Variants in TBC1D5 observed in about 807,000 individuals in gnomAD.
TBC1D5 encodes TBC1 domain family member 5.
Under a neutral mutation model 100.3 loss-of-function variants are expected in TBC1D5, and 75 were observed. The ratio of observed to expected loss-of-function variants is 0.75; its 90% CI spans 0.62 to 0.91. TBC1D5 has a LOEUF of 0.91. Among genes scored for constraint, TBC1D5 ranks in the 40% least tolerant of loss-of-function variants. TBC1D5 has a pLI of 0.00. For missense variants in TBC1D5, 910 were observed against 942.4 expected (o/e 0.97, Z 0.45); for synonymous variants, 323 against 325.6 (o/e 0.99, Z 0.09).
intron 14 of TBC1D5, among the ~76,000 whole-genome samples, chr3:17,303,793 C>T (rs1211509853): frequency 6.7e-6 from 1 of 150,018 alleles, no homozygotes; most frequent in Non-Finnish European, 1.5e-5. Flanking sequence ...TCCCTTTAGT[C>T]CTGCCTAATT....
At chr3:17,623,446 A>G (rs1332555370) in intron 2 of TBC1D5, among the ~76,000 whole-genome samples, 2 of 152,214 alleles carry the variant, frequency 1.3e-5, no homozygotes, top group Non-Finnish European at 2.9e-5. Context: ...CTGTACACAA[A>G]AACTGAAGAT....
intron 9 of TBC1D5, among the ~76,000 whole-genome samples, chr3:17,380,756 A>G (rs1477039838): frequency 6.6e-6 from 1 of 152,064 alleles, no homozygotes; most frequent in African/African-American, 2.4e-5. Context: ...TTAGCCCACC[A>G]AGCAGTCTTT....
intron 3 of TBC1D5, among the ~76,000 whole-genome samples, chr3:17,484,897 A>C (rs1257634407): frequency 6.6e-6 from 1 of 152,134 alleles, no homozygotes; most frequent in East Asian, 1.9e-4. Context: ...AAAATGAGGA[A>C]CCCACATTCA....
At chr3:17,312,316 C>T (rs1307074301) in intron 13 of TBC1D5, among the ~76,000 whole-genome samples, 2 of 152,116 alleles carry the variant, frequency 1.3e-5, no homozygotes, top group Admixed American at 6.6e-5. Context: ...CTGCAGAATA[C>T]ATTACTGAAG....
chr3:17,403,233 A>AT lies in TBC1D5; in HGVS notation c.456dup (p.Phe153IlefsTer5), dbSNP rs1417481168. The AT allele has an allele frequency of 1.3e-6, 2 of 1,589,970 alleles. No homozygotes were observed. The highest frequency in any genetic ancestry group is 8.6e-7 in the Non-Finnish European group (1 of 1,164,934). ...GATCGAAGTTCTTTATCTTGGAAGAATTTGTTCCAAAGACTCTGAAATAAG... is the reference window on the plus strand; with the variant it reads ...GATCGAAGTTCTTTATCTTGGAAGAATTTTGTTCCAAAGACTCTGAAATAAG... On this transcript the variant is annotated frameshift_variant, in exon 8 of 22. Coordinates refer to ENST00000253692, the Ensembl canonical transcript of TBC1D5. LOFTEE classifies it high-confidence loss of function.
intron 3 of TBC1D5, among the ~76,000 whole-genome samples, chr3:17,505,457 A>G (rs376740438): frequency 1.3e-5 from 2 of 152,334 alleles, no homozygotes; most frequent in African/African-American, 4.8e-5. Flanking sequence ...TAAGCCAATT[A>G]AAGCAATTTT....
At chr3:17,661,029 A>G (rs563892431) in intron 1 of TBC1D5, among the ~76,000 whole-genome samples, 1 of 152,220 alleles carries the variant, frequency 6.6e-6, no homozygotes, top group Non-Finnish European at 1.5e-5. Flanking sequence ...AGACAAATAA[A>G]TAACATGTAT....
At chr3:17,464,930 A>C (rs1380531712) in intron 3 of TBC1D5, among the ~76,000 whole-genome samples, 2 of 152,082 alleles carry the variant, frequency 1.3e-5, no homozygotes, top group African/African-American at 4.8e-5. Context: ...AGTGATCATA[A>C]AGTTCACCAG....
chr3:17,370,475 G>A (rs1400206750), intron 13 of TBC1D5, among the ~76,000 whole-genome samples: 1 of 152,120 alleles, frequency 6.6e-6, no homozygotes, highest in Non-Finnish European at 1.5e-5. Flanking sequence ...GTATTAGTTA[G>A]ACTTTCAAAT....
chr3:17,485,493 C>G (rs1197728288), intron 3 of TBC1D5, among the ~76,000 whole-genome samples: 16 of 115,498 alleles, frequency 1.4e-4, no homozygotes, highest in Non-Finnish European at 2.6e-4. Context: ...CATCCCCCCT[C>G]CCCCCACCCC....
intron 15 of TBC1D5, among the ~76,000 whole-genome samples, chr3:17,261,148 G>A (rs189802108): frequency 5.8e-4 from 88 of 152,314 alleles, no homozygotes; most frequent in African/African-American, 2.1e-3. Flanking sequence ...AGTAAGTACA[G>A]TTCTTCCAAT....
chr3:17,595,726 C>G (rs540455679), intron 2 of TBC1D5, among the ~76,000 whole-genome samples: 1 of 152,188 alleles, frequency 6.6e-6, no homozygotes, highest in South Asian at 2.1e-4. Flanking sequence ...CAATTTAAGG[C>G]TCCCTGAACC....
chr3:17,270,868 G>C (rs2079342756), intron 15 of TBC1D5, among the ~76,000 whole-genome samples: 1 of 152,188 alleles, frequency 6.6e-6, no homozygotes. Context: ...TTATTGAATA[G>C]AGAGTCTTTT....
chr3:17,560,514 G>A (rs2096551575), intron 2 of TBC1D5, among the ~76,000 whole-genome samples: 1 of 151,906 alleles, frequency 6.6e-6, no homozygotes, highest in South Asian at 2.1e-4. Flanking sequence ...AGTTAGTCAG[G>A]AGGCTTCAGC....
intron 18 of TBC1D5, among the ~76,000 whole-genome samples, chr3:17,212,245 T>C (rs370651432): frequency 8.5e-5 from 13 of 152,268 alleles, no homozygotes; most frequent in African/African-American, 2.9e-4. Context: ...ACAGACCACA[T>C]ACATGATGGT....
At chr3:17,327,489 G>A (rs1433605554) in intron 13 of TBC1D5, among the ~76,000 whole-genome samples, 1 of 152,136 alleles carries the variant, frequency 6.6e-6, no homozygotes, top group African/African-American at 2.4e-5. Flanking sequence ...CTTTGCTTCA[G>A]CCTCGCTGGT....
At chr3:17,620,733 AC>A (rs1340360932) in intron 2 of TBC1D5, among the ~76,000 whole-genome samples, 2 of 152,156 alleles carry the variant, frequency 1.3e-5, no homozygotes, top group Non-Finnish European at 2.9e-5. Flanking sequence ...GTACAGTTTT[AC>A]TTTTTGGAAA....
intron 8 of TBC1D5, among the ~76,000 whole-genome samples, chr3:17,395,148 A>C (rs1460414474): frequency 1.3e-5 from 2 of 152,050 alleles, no homozygotes. Flanking sequence ...GTGTGGCTGC[A>C]GTTCAGGAGA....
rs552922085 is a variant in TBC1D5, at chr3:17,719,363, A to G, written c.-101+19980T>C. Among the ~76,000 whole-genome samples the G allele has an allele frequency of 7.2e-5, 11 of 152,318 alleles. No homozygotes were observed. The East Asian group carries it at 1.9e-3, about 27-fold the overall frequency. ...AAATCACCCAGTAAAACCTGTTAGC[A>G]TATTATTTATTTCCCATAAGCAATC... On this transcript the variant is annotated intron_variant, in intron 1 of 21. Coordinates refer to ENST00000253692, the Ensembl canonical transcript of TBC1D5.
Sources: gnomAD v4.1 joint callset for allele counts (sites outside exome capture counted in the v4.1 genomes callset) on GRCh38, gnomAD v4.1.1 for gene constraint, MANE v1.5 for transcripts, NCBI Gene and HGNC (gene_info 2026-07-23, HGNC 2026-07-21) for gene names.